The following KIF5C variants were observed in gnomAD, a reference collection of about 807,000 sequenced individuals.
KIF5C encodes the protein kinesin heavy chain isoform 5C.
A neutral mutation model predicts 125.2 loss-of-function variants in KIF5C; 18 were observed. The ratio of observed to expected loss-of-function variants is 0.14; its 90% confidence interval spans 0.10 to 0.21. The LOEUF (loss-of-function observed/expected upper bound fraction) is 0.21, where lower values mean the gene tolerates loss of function less well. Ranked by LOEUF, KIF5C falls within the 10% of genes least tolerant of loss-of-function variation. The pLI, the probability that KIF5C is intolerant of heterozygous loss-of-function variation, is 1.00. For synonymous variants in KIF5C, 405 were observed against 434.0 expected (o/e 0.93, Z 0.83); for missense variants, 780 against 1,183.8 (o/e 0.66, Z 5.01).
intron 23 of KIF5C, among the ~76,000 whole-genome samples, chr2:149,008,978 TG>T (rs1365192529): frequency 1.3e-5 from 2 of 150,818 alleles, no homozygotes; most frequent in Non-Finnish European, 2.9e-5. Flanking sequence ...TATTTATTTT[TG>T]TTTTTTTTAA....
rs769722143 is a variant in KIF5C, at chr2:148,875,581, C to G, written c.-37C>G. The G allele has an allele frequency of 5.8e-5, 47 of 803,620 alleles. No homozygotes were observed. The highest frequency in any genetic ancestry group is 9.2e-5 in the Non-Finnish European group (44 of 479,500). The allele number at this position is 803,620 out of a possible 1,614,324, so 49.8% of individuals were successfully genotyped here. A position where few individuals can be genotyped will look rare whatever the true frequency, so the allele number is the denominator to read the frequency against. ...CTCGTCGTTCCCGGCCCCGGCCCCCCACCCATCCCCGTGCCCCCTCCCTAC... is the reference window on the plus strand; with the variant it reads ...CTCGTCGTTCCCGGCCCCGGCCCCCGACCCATCCCCGTGCCCCCTCCCTAC... On this transcript the variant is annotated 5_prime_UTR_variant, in exon 1 of 26. Transcript: ENST00000435030.
chr2:148,930,701 G>T (rs578146593), intron 3 of KIF5C, among the ~76,000 whole-genome samples: 23 of 152,218 alleles, frequency 1.5e-4, no homozygotes, highest in African/African-American at 4.8e-4. Flanking sequence ...TCATTTCTGC[G>T]GTGTTGACTC....
At chr2:148,961,137 G>T (rs1389535980) in intron 10 of KIF5C, among the ~76,000 whole-genome samples, 1 of 152,184 alleles carries the variant, frequency 6.6e-6, no homozygotes, top group Non-Finnish European at 1.5e-5. Context: ...CAAAATGGTG[G>T]CCATTAGGCA....
intron 16 of KIF5C, among the ~76,000 whole-genome samples, chr2:148,991,726 G>A (rs1198607309): frequency 2.6e-5 from 4 of 152,140 alleles, no homozygotes; most frequent in Non-Finnish European, 5.9e-5. Context: ...CTGAGATTTA[G>A]ACTAAATGTC....
chr2:148,974,719 C>T (rs1681015632), intron 12 of KIF5C, among the ~76,000 whole-genome samples: 1 of 152,180 alleles, frequency 6.6e-6, no homozygotes. Flanking sequence ...CAAGGAATTG[C>T]TATTGTTTAA....
At chr2:148,971,416 A>G (rs534269786) in intron 11 of KIF5C, among the ~76,000 whole-genome samples, 1 of 152,276 alleles carries the variant, frequency 6.6e-6, no homozygotes, top group African/African-American at 2.4e-5. Flanking sequence ...CAGACTGTAG[A>G]GAATATAGAT....
chr2:148,909,491 T>C (rs1462625381), intron 1 of KIF5C, among the ~76,000 whole-genome samples: 4 of 152,244 alleles, frequency 2.6e-5, no homozygotes, highest in African/African-American at 4.8e-5. Flanking sequence ...TTGTGGCTCA[T>C]CCCTGCTGGG....
At chr2:149,017,875 G>C (rs1020069941) in intron 25 of KIF5C, among the ~76,000 whole-genome samples, 1 of 152,132 alleles carries the variant, frequency 6.6e-6, no homozygotes, top group African/African-American at 2.4e-5. Flanking sequence ...CAAATAAAAA[G>C]TCCAAACCAC....
chr2:148,928,698 G>C (rs1682095111), intron 2 of KIF5C, among the ~76,000 whole-genome samples: 1 of 152,124 alleles, frequency 6.6e-6, no homozygotes. Context: ...TTAAATTTAA[G>C]TGAGGGCCCG....
At chr2:148,913,400 G>A (rs1029582759) in intron 1 of KIF5C, among the ~76,000 whole-genome samples, 2 of 152,108 alleles carry the variant, frequency 1.3e-5, no homozygotes, top group Admixed American at 6.5e-5. Flanking sequence ...TGGAACTGAG[G>A]GGCCTTAACT....
chr2:148,897,906 A>G (rs1680731278), intron 1 of KIF5C, among the ~76,000 whole-genome samples: 1 of 128,290 alleles, frequency 7.8e-6, no homozygotes, highest in East Asian at 2.7e-4. Flanking sequence ...CTGACAGAGT[A>G]AGACTCAGTC....
intron 1 of KIF5C, among the ~76,000 whole-genome samples, chr2:148,899,019 A>G (rs1471931824): frequency 2.0e-5 from 3 of 152,336 alleles, no homozygotes; most frequent in Non-Finnish European, 2.9e-5. Flanking sequence ...CCAAACATCT[A>G]GCATTCAGAG....
At chr2:148,964,230 C>T (rs1483773941) in intron 11 of KIF5C, among the ~76,000 whole-genome samples, 1 of 151,480 alleles carries the variant, frequency 6.6e-6, no homozygotes, top group Non-Finnish European at 1.5e-5. Context: ...AGCCGAGAAC[C>T]CACCATTGTA....
chr2:149,002,638 C>A (rs1312441308), intron 21 of KIF5C, among the ~76,000 whole-genome samples: 1 of 152,174 alleles, frequency 6.6e-6, no homozygotes, highest in East Asian at 1.9e-4. Context: ...TGCCTTCACT[C>A]ACACCCACAC....
chr2:148,941,682 T>C, intron 5 of KIF5C, 24 bp downstream of exon 5: 1 of 1,553,274 alleles, frequency 6.4e-7, no homozygotes, highest in Non-Finnish European at 8.7e-7. Flanking sequence ...GTGCTTGTCC[T>C]TTATTTGTTC....
chr2:148,945,205 C>A (rs1682493854), intron 7 of KIF5C, among the ~76,000 whole-genome samples: 1 of 152,004 alleles, frequency 6.6e-6, no homozygotes, highest in African/African-American at 2.4e-5. Context: ...GAAATTATTG[C>A]CAAGTCCAAT....
At chr2:148,897,458 T>C (rs1220316105) in intron 1 of KIF5C, among the ~76,000 whole-genome samples, 1 of 152,190 alleles carries the variant, frequency 6.6e-6, no homozygotes, top group Non-Finnish European at 1.5e-5. Context: ...CTAGTCCTGC[T>C]CAGCTCAATG....
At position 148,997,159 on chromosome 2, in the gene KIF5C, G is replaced by A. The variant is rs1681698751; in HGVS notation, c.2024-105G>A. ...GTTGTAATTGCTGATATAAGCTGAT[G>A]TTTCACTCTGTTGCCATTTTTCTTG... On this transcript the variant is annotated intron_variant, in intron 17 of 25. Coordinates refer to ENST00000435030, the MANE Select transcript of KIF5C (RefSeq NM_004522.3). 3.4e-6 allele frequency: 5 copies of A among 1,480,630 alleles called. No individual in the cohort carries two copies. In the South Asian group the frequency reaches 5.5e-5, roughly 16 times the overall value. 91.7% of individuals were successfully genotyped at this position (1,480,630 alleles called of 1,614,324 possible). A position where few individuals can be genotyped will look rare whatever the true frequency, so the allele number is the denominator to read the frequency against.
At chr2:149,005,825 A>G (rs1190811295) in intron 22 of KIF5C, among the ~76,000 whole-genome samples, 1 of 152,226 alleles carries the variant, frequency 6.6e-6, no homozygotes, top group African/African-American at 2.4e-5. Context: ...TCGGACAGAG[A>G]GAGCCTCTTA....
Sources: gnomAD v4.1 joint callset for allele counts (sites outside exome capture counted in the v4.1 genomes callset) on GRCh38, gnomAD v4.1.1 for gene constraint, MANE v1.5 for transcripts, NCBI Gene and HGNC (gene_info 2026-07-23, HGNC 2026-07-21) for gene names.